Variants in VDAC3 observed in about 807,000 individuals in gnomAD.
VDAC3 encodes the protein non-selective voltage-gated ion channel VDAC3.
VDAC3 carries 7 observed loss-of-function variants against 33.9 expected under a neutral mutation model. The observed-to-expected ratio is 0.21, with a 90% CI of 0.12 to 0.39. The LOEUF (loss-of-function observed/expected upper bound fraction) is 0.39. Among genes scored for constraint, VDAC3 ranks in the 10% least tolerant of loss-of-function variants. VDAC3 has a pLI of 1.00. For missense variants in VDAC3, 261 were observed against 334.5 expected (o/e 0.78, Z 1.71); for synonymous variants, 100 against 122.4 (o/e 0.82, Z 1.21).
chr8:42,399,436 G>A (rs1802376544), intron 5 of VDAC3: 3 of 417,718 alleles, frequency 7.2e-6, no homozygotes, highest in African/African-American at 2.0e-5. Context: ...TGCTAAAATA[G>A]GATTTGCCCC....
At chr8:42,400,078 C>G (rs1457773408) in intron 6 of VDAC3, among the ~76,000 whole-genome samples, 2 of 152,170 alleles carry the variant, frequency 1.3e-5, no homozygotes, top group African/African-American at 4.8e-5. Flanking sequence ...TGGCTCACGC[C>G]TGTAATCCTA....
At chr8:42,399,216 CTA>C (rs1413727574) in intron 5 of VDAC3, among the ~76,000 whole-genome samples, 1 of 152,042 alleles carries the variant, frequency 6.6e-6, no homozygotes, top group Non-Finnish European at 1.5e-5. Context: ...AGGAGAAAAT[CTA>C]TTAGATATAG....
At chr8:42,401,700 A>G in intron 6 of VDAC3, 88 bp from the exon 7 acceptor site, 1 of 1,160,796 alleles carries the variant, frequency 8.6e-7, no homozygotes, top group Non-Finnish European at 1.3e-6. Flanking sequence ...GGGAGATGAG[A>G]GAGAGGATCT....
chr8:42,394,666 T>C lies in VDAC3; in HGVS notation c.67+388T>C, dbSNP rs538207977. ...ATAACTTTTGACTTCTTTGGAGTAATGTATATTCTGATCCTAAATAAATAT... is the reference window on the plus strand; with the variant it reads ...ATAACTTTTGACTTCTTTGGAGTAACGTATATTCTGATCCTAAATAAATAT... On this transcript the variant is annotated intron_variant, in intron 3 of 9. Transcript: ENST00000022615. 9.2e-5 allele frequency among the ~76,000 whole-genome samples: 14 copies of C among 152,304 alleles called. 1 individual carries two copies. Among genetic ancestry groups the C allele is most frequent in the South Asian group, 2.1e-4 (1 of 4,828 alleles).
At chr8:42,404,072 T>C (rs981057641) in intron 8 of VDAC3, among the ~76,000 whole-genome samples, 3 of 152,180 alleles carry the variant, frequency 2.0e-5, no homozygotes, top group African/African-American at 7.2e-5. Context: ...AACACTGAGC[T>C]GTTAAATTTC....
Position 42,405,761 on chromosome 8 carries a change from C to G in VDAC3, c.*299C>G. The G allele has an allele frequency of 3.6e-6, 1 of 275,470 alleles. No homozygotes were observed. Among genetic ancestry groups the G allele is most frequent in the Non-Finnish European group, 6.9e-6 (1 of 145,006 alleles). 17.1% of individuals were successfully genotyped at this position (275,470 alleles called of 1,614,324 possible). On this transcript the variant is annotated 3_prime_UTR_variant, in exon 10 of 10. Transcript: ENST00000022615. ...ATGTTAGAGGAGACGATCTGACCCA[C>G]CAGTTTGTACATCACGTCCTGCATG...
intron 5 of VDAC3, 45 bp downstream of exon 5, chr8:42,398,909 G>T (rs1294976849): frequency 6.3e-7 from 1 of 1,596,526 alleles, no homozygotes. Context: ...AATTTATCTT[G>T]TAGATTGAAT....
intron 4 of VDAC3, chr8:42,396,890 G>T: frequency 2.0e-6 from 1 of 493,134 alleles, no homozygotes; most frequent in Non-Finnish European, 3.6e-6. Flanking sequence ...TTATATGCAT[G>T]TTATAAATGT....
chr8:42,393,030 G>A (rs1225513535), intron 1 of VDAC3, among the ~76,000 whole-genome samples: 1 of 152,068 alleles, frequency 6.6e-6, no homozygotes, highest in Admixed American at 6.6e-5. Context: ...TTTTACTATG[G>A]AATGAGTCAG....
Position 42,403,283 on chromosome 8 carries a change from T to C in VDAC3, c.552-28T>C, listed in dbSNP as rs750397228. On this transcript the variant is annotated intron_variant, in intron 7 of 9. Coordinates refer to ENST00000022615, the MANE Select transcript of VDAC3 (RefSeq NM_005662.7). ...ATAACAATGGTACAAACTAGATATT[T>C]ATGACGTTTTCTTATCTATGAAAAC... 2.5e-6 allele frequency: 4 copies of C among 1,612,816 alleles called. No individual in the cohort carries two copies. The South Asian group carries it at 4.4e-5, about 18-fold the overall frequency.
At chr8:42,392,518 T>C (rs1824888590) in intron 1 of VDAC3, among the ~76,000 whole-genome samples, 2 of 151,302 alleles carry the variant, frequency 1.3e-5, no homozygotes, top group Admixed American at 1.3e-4. Flanking sequence ...GAAGTTTCTG[T>C]TGTTCTCGAT....
At chr8:42,398,354 C>T (rs1377165045) in intron 4 of VDAC3, among the ~76,000 whole-genome samples, 1 of 152,130 alleles carries the variant, frequency 6.6e-6, no homozygotes, top group Non-Finnish European at 1.5e-5. Flanking sequence ...CTCCTGGGCT[C>T]AGGCTGGGAC....
At chr8:42,392,797 A>G (rs1029192069) in intron 1 of VDAC3, among the ~76,000 whole-genome samples, 1 of 152,240 alleles carries the variant, frequency 6.6e-6, no homozygotes, top group African/African-American at 2.4e-5. Flanking sequence ...TAACATTTCT[A>G]TTTCAATATA....
In VDAC3 at chr8:42,394,199, T is replaced by C; in HGVS notation, c.-2-11T>C. The C allele has an allele frequency of 6.2e-7, 1 of 1,612,892 alleles. No individual in the cohort carries two copies. The highest frequency in any genetic ancestry group is 8.5e-7 in the Non-Finnish European group (1 of 1,178,992). On this transcript the variant is annotated splice_polypyrimidine_tract_variant and intron_variant, in intron 2 of 9. Transcript: ENST00000022615. ...TTATTTTTATTCCTTTGCCCTGTTT[T>C]TCTTTATAAGATATGTGTAACACAC...
At chr8:42,400,263 A>G (rs1802392392) in intron 6 of VDAC3, among the ~76,000 whole-genome samples, 1 of 151,812 alleles carries the variant, frequency 6.6e-6, no homozygotes, top group South Asian at 2.1e-4. Context: ...GCATGAACCC[A>G]GGAGGCGGAG....
intron 4 of VDAC3, 65 bp downstream of exon 4, chr8:42,395,198 A>G (rs1802283321): frequency 6.9e-6 from 11 of 1,598,634 alleles, no homozygotes; most frequent in Non-Finnish European, 9.4e-6. Flanking sequence ...GTTTAAAATC[A>G]TGACAGTCTA....
chr8:42,396,291 C>T (rs1410375829), intron 4 of VDAC3, among the ~76,000 whole-genome samples: 1 of 152,138 alleles, frequency 6.6e-6, no homozygotes, highest in African/African-American at 2.4e-5. Flanking sequence ...TAATAAATCT[C>T]AGCAAGTAGG....
chr8:42,404,755 G>T, intron 8 of VDAC3, 112 bp from the exon 9 acceptor site: 17 of 623,820 alleles, frequency 2.7e-5, no homozygotes, highest in African/African-American at 3.9e-5. Context: ...AGTAATTCTA[G>T]ATTGGCCCTA....
Position 42,405,761 on chromosome 8 carries a change from C to A in VDAC3, c.*299C>A. 3.6e-6 allele frequency: 1 copy of A among 275,470 alleles called. No individual in the cohort carries two copies. The highest frequency in any genetic ancestry group is 5.5e-5 in the South Asian group (1 of 18,138). The allele number at this position is 275,470 out of a possible 1,614,324, so 17.1% of individuals were successfully genotyped here. On this transcript the variant is annotated 3_prime_UTR_variant, in exon 10 of 10. Transcript: ENST00000022615. Reference sequence around the variant, plus strand: ...ATGTTAGAGGAGACGATCTGACCCACCAGTTTGTACATCACGTCCTGCATG... The same window carrying A: ...ATGTTAGAGGAGACGATCTGACCCAACAGTTTGTACATCACGTCCTGCATG...
Sources: gnomAD v4.1 joint callset for allele counts (sites outside exome capture counted in the v4.1 genomes callset) on GRCh38, gnomAD v4.1.1 for gene constraint, MANE v1.5 for transcripts, NCBI Gene and HGNC (gene_info 2026-07-23, HGNC 2026-07-21) for gene names.